PLEKHM2: variants seen among roughly 807,000 people sequenced by gnomAD.
PLEKHM2 encodes pleckstrin homology and RUN domain containing M2.
In PLEKHM2, 77 loss-of-function variants were observed where a neutral mutation model predicts 116.3. The ratio of observed to expected loss-of-function variants is 0.66; its 90% CI spans 0.55 to 0.80. PLEKHM2 has a LOEUF of 0.80. Among genes scored for constraint, PLEKHM2 ranks in the 30% least tolerant of loss-of-function variants. The pLI, the probability that PLEKHM2 is intolerant of heterozygous loss-of-function variation, is 0.00. For missense variants in PLEKHM2, 1,183 were observed against 1,354.9 expected (o/e 0.87, Z 1.99); for synonymous variants, 562 against 571.0 (o/e 0.98, Z 0.22).
chr1:15,710,413 C>T (rs1190409801), intron 1 of PLEKHM2, among the ~76,000 whole-genome samples: 1 of 151,394 alleles, frequency 6.6e-6, no homozygotes, highest in Non-Finnish European at 1.5e-5. Flanking sequence ...CTGCAACCTC[C>T]AACTCCCGAG....
At chr1:15,724,250 C>A (rs879394662) in intron 7 of PLEKHM2, among the ~76,000 whole-genome samples, 5 of 152,074 alleles carry the variant, frequency 3.3e-5, no homozygotes, top group Non-Finnish European at 1.5e-5. Flanking sequence ...TTTGGGAGGC[C>A]GAGGCGGGCA....
intron 1 of PLEKHM2, among the ~76,000 whole-genome samples, chr1:15,715,590 G>A (rs1232870091): frequency 6.6e-6 from 1 of 152,180 alleles, no homozygotes. Flanking sequence ...GCAGTGAGCC[G>A]AGATCATGCC....
intron 1 of PLEKHM2, among the ~76,000 whole-genome samples, chr1:15,708,859 T>C (rs913400421): frequency 4.6e-5 from 7 of 152,188 alleles, no homozygotes; most frequent in African/African-American, 1.7e-4. Flanking sequence ...GTGATTAAAT[T>C]ACGTTTGAAA....
chr1:15,702,364 A>T (rs1641132308), intron 1 of PLEKHM2, among the ~76,000 whole-genome samples: 1 of 151,988 alleles, frequency 6.6e-6, no homozygotes, highest in African/African-American at 2.4e-5. Flanking sequence ...GTAATCCTTA[A>T]AGAGGTGATT....
At chr1:15,714,111 G>T (rs71631744) in intron 1 of PLEKHM2, among the ~76,000 whole-genome samples, 33,408 of 151,284 alleles carry the variant, frequency 0.22, 4,171 homozygotes, top group African/African-American at 0.33. Context: ...CCAGCTAGTT[G>T]TTGTATTTTA....
At chr1:15,707,107 A>G (rs986342317) in intron 1 of PLEKHM2, among the ~76,000 whole-genome samples, 3 of 143,714 alleles carry the variant, frequency 2.1e-5, no homozygotes, top group Non-Finnish European at 4.4e-5. Flanking sequence ...TCCGTCTCAA[A>G]AAAAAAAAAG....
At position 15,684,568 on chromosome 1, in the gene PLEKHM2, G is replaced by T; in HGVS notation, c.10G>T (p.Gly4Trp). The change falls in exon 1 of 20, where the codon GGG (glycine) becomes TGG (tryptophan). Residue 4 changes from glycine to tryptophan, a missense_variant. Transcript: ENST00000375799. MEP[G>W]EVKDRILENI... ...CGACGGTGGCAGCGCCATGGAGCCG[G>T]GGGAGGTGAAGGACCGGATCCTGGA... 7.7e-7 allele frequency: 1 copy of T among 1,296,170 alleles called. No homozygotes were observed. Among genetic ancestry groups the T allele is most frequent in the Non-Finnish European group, 9.9e-7 (1 of 1,007,132 alleles). The allele number at this position is 1,296,170 out of a possible 1,614,324, so 80.3% of individuals were successfully genotyped here. A position where few individuals can be genotyped will look rare whatever the true frequency, so the allele number is the denominator to read the frequency against.
chr1:15,689,287 C>T (rs1000510668), intron 1 of PLEKHM2, among the ~76,000 whole-genome samples: 2 of 150,726 alleles, frequency 1.3e-5, no homozygotes, highest in African/African-American at 4.9e-5. Flanking sequence ...TGGTAGAGTT[C>T]AGAGAAAGAG....
chr1:15,727,284 G>A lies in PLEKHM2; in HGVS notation c.1212G>A (p.Glu404=). ...LIPEMKDTSM[E]RLGQPLSKVI... ...CTGAGATGAAGGACACCTCCATGGA[G>A]CGCTTGGGGCAGCCCCTGAGCAAGG... Residue 404 remains glutamate, a synonymous_variant, in exon 9 of 20, where the codon GAG becomes GAA. Coordinates refer to ENST00000375799, the MANE Select transcript of PLEKHM2 (RefSeq NM_015164.4). This position sits in a 1 kb window ranked among gnomAD's most constrained non-coding sequence, Gnocchi z 7.5. The A allele has an allele frequency of 3.1e-6, 5 of 1,605,588 alleles. No homozygotes were observed. Among genetic ancestry groups the A allele is most frequent in the Non-Finnish European group, 3.4e-6 (4 of 1,177,042 alleles).
At position 15,719,982 on chromosome 1, in the gene PLEKHM2, G is replaced by GC; in HGVS notation, c.652+64dup. ...TGTGAAACAGACTTGAACTGCTTAA[G>GC]CCTGGCTGGGTGATGTCTTCCTTGG... On this transcript the variant is annotated intron_variant, in intron 6 of 19. Transcript: ENST00000375799. The surrounding 1 kb of genome is among the most constrained non-coding windows in gnomAD (Gnocchi z 4.1). 2 of 1,363,326 alleles carry GC rather than the reference G, an allele frequency of 1.5e-6. No homozygotes were observed. The highest frequency in any genetic ancestry group is 2.2e-5 in the Admixed American group (1 of 44,864). The allele number at this position is 1,363,326 out of a possible 1,614,324, so 84.5% of individuals were successfully genotyped here.
rs1557660067 is a variant in PLEKHM2 at position 15,727,576 on chromosome 1, C to T, written c.1504C>T (p.Gln502Ter). 1.3e-6 allele frequency: 2 copies of T among 1,576,968 alleles called. No homozygotes were observed. Among genetic ancestry groups the T allele is most frequent in the East Asian group, 4.7e-5 (2 of 42,754 alleles). ...HVPSSPEAAG[Q>*]EEEGGGGEGQ... ...TCCTAGTAGCCCTGAGGCTGCTGGC[C>T]AAGAAGAAGAGGGAGGAGGAGGAGA... Residue 502 changes from glutamine (Q) to a stop codon, truncating the protein, a stop_gained, in exon 9 of 20, where the codon CAA (glutamine) becomes TAA (stop). Coordinates refer to ENST00000375799, the MANE Select transcript of PLEKHM2 (RefSeq NM_015164.4). LOFTEE classifies it high-confidence loss of function. The surrounding 1 kb of genome is among the most constrained non-coding windows in gnomAD (Gnocchi z 7.5).
At chr1:15,685,909 C>G (rs749199427) in intron 1 of PLEKHM2, among the ~76,000 whole-genome samples, 4 of 152,182 alleles carry the variant, frequency 2.6e-5, no homozygotes, top group Non-Finnish European at 5.9e-5. Context: ...TCAAGGAGGG[C>G]AGGATGAGCA....
rs1037732865 is a variant in PLEKHM2 at position 15,684,484 on chromosome 1, G to T, written c.-75G>T. 4 of 874,550 alleles carry T rather than the reference G, an allele frequency of 4.6e-6. No homozygotes were observed. Among genetic ancestry groups the T allele is most frequent in the Non-Finnish European group, 5.5e-6 (4 of 724,370 alleles). 54.2% of individuals were successfully genotyped at this position (874,550 alleles called of 1,614,324 possible). ...GCGGCAGCGGTTGGCGGCGGCCCCC[G>T]GCCCCCGGCGCGGGAAGCGGCGGCG... On this transcript the variant is annotated 5_prime_UTR_variant, in exon 1 of 20. Transcript: ENST00000375799.
chr1:15,731,236 C>T lies in PLEKHM2; in HGVS notation c.2444C>T (p.Pro815Leu). The T allele has an allele frequency of 6.3e-7, 1 of 1,595,842 alleles. No homozygotes were observed. Among genetic ancestry groups the T allele is most frequent in the Non-Finnish European group, 8.5e-7 (1 of 1,170,922 alleles). ...TACCCGGACCGCACCGACGTCATCC[C>T]TCTGCTCTCGGTGAACATGGGGTAA... Reference protein sequence around the residue: ...YQYPDRTDVIPLLSVNMGGEQ... With the variant: ...YQYPDRTDVILLLSVNMGGEQ... Residue 815 changes from proline to leucine, a missense_variant, in exon 16 of 20, where the codon CCT becomes CTT. Coordinates refer to ENST00000375799, the MANE Select transcript of PLEKHM2 (RefSeq NM_015164.4).
rs979105712 is a variant in PLEKHM2 at position 15,725,737 on chromosome 1, T to C, written c.941+192T>C. On this transcript the variant is annotated intron_variant, in intron 8 of 19. Coordinates refer to ENST00000375799, the MANE Select transcript of PLEKHM2 (RefSeq NM_015164.4). ...GGAGGCCTGTCCTAGTCAGCTCGGC[T>C]GCTGGAACAAAGCACCGCAGACAGG... 1.5e-5 allele frequency: 9 copies of C among 588,650 alleles called. No individual in the cohort carries two copies. The African/African-American group carries it at 1.7e-4, about 11-fold the overall frequency. The allele number at this position is 588,650 out of a possible 1,614,324, so 36.5% of individuals were successfully genotyped here.
At chr1:15,715,158 C>T (rs1392010990) in intron 1 of PLEKHM2, among the ~76,000 whole-genome samples, 1 of 117,106 alleles carries the variant, frequency 8.5e-6, no homozygotes, top group Non-Finnish European at 1.7e-5. Context: ...TATTCCATGT[C>T]AAGAAGGCTG....
chr1:15,693,187 CCCA>C (rs1202423548), intron 1 of PLEKHM2, among the ~76,000 whole-genome samples: 2 of 149,922 alleles, frequency 1.3e-5, no homozygotes, highest in Non-Finnish European at 3.0e-5. Flanking sequence ...ATTACAGGTG[CCCA>C]CCACCACACC....
intron 1 of PLEKHM2, among the ~76,000 whole-genome samples, chr1:15,685,541 G>GAAAAAAAAAAAAAAAAAAAAAAAAA (rs200301672): frequency 3.7e-4 from 27 of 73,476 alleles, no homozygotes; most frequent in Non-Finnish European, 4.4e-4. Flanking sequence ...CTCAGAAACT[G>GAAAAAAAAAAAAAAAAAAAAAAAAA]AAAAAAAAAA....
chr1:15,703,962 T>A (rs894408482), intron 1 of PLEKHM2, among the ~76,000 whole-genome samples: 9 of 152,188 alleles, frequency 5.9e-5, no homozygotes, highest in Non-Finnish European at 8.8e-5. Context: ...GAGCGTGGTC[T>A]GGGAACATGC....
Sources: allele counts gnomAD v4.1 joint callset (sites outside exome capture counted in the v4.1 genomes callset), GRCh38; gene constraint gnomAD v4.1.1; non-coding constraint Gnocchi (gnomAD v3.1); transcripts MANE v1.5; gene names NCBI Gene and HGNC (gene_info 2026-07-23, HGNC 2026-07-21).